LRRC8C: variants seen among roughly 807,000 people sequenced by gnomAD.
LRRC8C encodes the protein leucine rich repeat containing 8 VRAC subunit C, also known as volume-regulated anion channel subunit LRRC8C.
Under a neutral mutation model 55.3 loss-of-function variants are expected in LRRC8C, and 20 were observed. The observed-to-expected ratio is 0.36, with a 90% CI of 0.25 to 0.53. The LOEUF (loss-of-function observed/expected upper bound fraction) is 0.53, where lower values mean the gene tolerates loss of function less well. Among genes scored for constraint, LRRC8C ranks in the 20% least tolerant of loss-of-function variants. LRRC8C has a pLI of 0.92. For missense variants in LRRC8C, 659 were observed against 951.4 expected (o/e 0.69, Z 4.04); for synonymous variants, 376 against 360.7 (o/e 1.04, Z -0.48).
intron 1 of LRRC8C, among the ~76,000 whole-genome samples, chr1:89,639,253 G>A (rs1358117415): frequency 6.6e-6 from 1 of 152,070 alleles, no homozygotes; most frequent in Non-Finnish European, 1.5e-5. Context: ...CCCAAGTACT[G>A]GGATTACAGG....
chr1:89,685,910 AG>A lies in LRRC8C; in HGVS notation c.-4-559del, dbSNP rs1657866163. On this transcript the variant is annotated intron_variant, in intron 1 of 2. Transcript: ENST00000370454. ...CCTCCTCAATCCACCACCATCAATA[AG>A]ACCTTTCTTCTTAAAAGACAAGGAC... Among the ~76,000 whole-genome samples the A allele has an allele frequency of 2.6e-5, 4 of 152,300 alleles. No individual in the cohort carries two copies. In the South Asian group the frequency reaches 8.3e-4, roughly 32 times the overall value.
At position 89,690,126 on chromosome 1, in the gene LRRC8C, GT is replaced by G. The variant is rs558561954; in HGVS notation, c.138+3516del. ...GATGGTCATTTTCAGGAGGAACGAG[GT>G]GAAGATCCAGGATCTAGGTGGAAGG... is the stretch of plus-strand genomic sequence containing the variant. On this transcript the variant is annotated intron_variant, in intron 2 of 2. Coordinates refer to ENST00000370454, the MANE Select transcript of LRRC8C (RefSeq NM_032270.5). Among the ~76,000 whole-genome samples, 512 of 152,248 alleles carry G rather than the reference GT, an allele frequency of 3.4e-3. 1 individual carries two copies. The highest frequency in any genetic ancestry group is 5.8e-3 in the Non-Finnish European group (392 of 68,024).
chr1:89,712,474 T>C (rs1233791512), intron 2 of LRRC8C, among the ~76,000 whole-genome samples: 2 of 152,202 alleles, frequency 1.3e-5, no homozygotes, highest in Admixed American at 6.5e-5. Flanking sequence ...AGTTGTTCTA[T>C]GACCTGAAAA....
intron 1 of LRRC8C, among the ~76,000 whole-genome samples, chr1:89,660,056 A>G (rs1012224453): frequency 3.3e-5 from 5 of 152,066 alleles, no homozygotes; most frequent in Non-Finnish European, 5.9e-5. Flanking sequence ...CCCTTCAAAT[A>G]TTATCCAAGC....
chr1:89,647,556 A>T (rs1365110704), intron 1 of LRRC8C, among the ~76,000 whole-genome samples: 1 of 152,224 alleles, frequency 6.6e-6, no homozygotes, highest in Non-Finnish European at 1.5e-5. Context: ...CGCTTCTGAA[A>T]GAACACATTT....
chr1:89,663,342 G>A (rs749274437), intron 1 of LRRC8C, among the ~76,000 whole-genome samples: 3 of 152,038 alleles, frequency 2.0e-5, no homozygotes, highest in South Asian at 4.1e-4. Context: ...AGGCAGAGGC[G>A]GGCGGATCAT....
chr1:89,679,657 T>C (rs1023240567), intron 1 of LRRC8C, among the ~76,000 whole-genome samples: 1 of 152,218 alleles, frequency 6.6e-6, no homozygotes, highest in Non-Finnish European at 1.5e-5. Context: ...AATTCCTATT[T>C]CATGTGCTCA....
intron 1 of LRRC8C, among the ~76,000 whole-genome samples, chr1:89,634,553 G>C (rs1174204493): frequency 6.6e-6 from 1 of 152,158 alleles, no homozygotes; most frequent in African/African-American, 2.4e-5. Context: ...ATGCCATTTA[G>C]ACGAAAAAGG....
chr1:89,654,395 G>A (rs976858701), intron 1 of LRRC8C, among the ~76,000 whole-genome samples: 11 of 152,082 alleles, frequency 7.2e-5, no homozygotes, highest in Non-Finnish European at 1.5e-4. Flanking sequence ...AAAATTGCAC[G>A]TGTACCCTTT....
At chr1:89,659,057 TTTTTTGTGTGTGTGTGTGTGTG>T (rs768739498) in intron 1 of LRRC8C, among the ~76,000 whole-genome samples, 1 of 81,618 alleles carries the variant, frequency 1.2e-5, no homozygotes. Flanking sequence ...GGTTTTTTTT[TTTTTTGTGTGTGTGTGTGTGTG>T]TGTGTGTGTG....
intron 1 of LRRC8C, among the ~76,000 whole-genome samples, chr1:89,680,887 T>C (rs1390130226): frequency 1.3e-5 from 2 of 152,128 alleles, no homozygotes. Flanking sequence ...AATAAGGAAA[T>C]GAATCTGAAT....
chr1:89,631,651 A>T (rs1051435861), upstream of LRRC8C: 2 of 150,962 alleles, frequency 1.3e-5, no homozygotes, highest in South Asian at 4.2e-4. Flanking sequence ...TTTCCCAGAG[A>T]CTCTCTAGGA....
chr1:89,660,352 A>G (rs559532071), intron 1 of LRRC8C, among the ~76,000 whole-genome samples: 6 of 152,274 alleles, frequency 3.9e-5, no homozygotes, highest in African/African-American at 1.4e-4. Context: ...CCTCACCTAC[A>G]TGTTGGAATC....
At chr1:89,699,531 G>T (rs547808982) in intron 2 of LRRC8C, among the ~76,000 whole-genome samples, 5 of 152,282 alleles carry the variant, frequency 3.3e-5, no homozygotes, top group African/African-American at 9.6e-5. Context: ...TGAACCTAAA[G>T]CTGCTCTAAG....
the LRRC8C span, among the ~76,000 whole-genome samples, chr1:89,616,364 G>A: frequency 1.3e-5 from 2 of 152,120 alleles, no homozygotes; most frequent in Non-Finnish European, 2.9e-5. Flanking sequence ...TTAATTCAGG[G>A]GCGTGGGAAC....
At position 89,714,806 on chromosome 1, in the gene LRRC8C, C is replaced by A. The variant is rs961562952; in HGVS notation, c.2236C>A (p.Pro746Thr). Reference sequence around the variant, plus strand: ...AAAAAACAGCCTATCTGTACTTTCACCGAAAATTGGAAATTTGCTATTTCT... The same window carrying A: ...AAAAAACAGCCTATCTGTACTTTCAACGAAAATTGGAAATTTGCTATTTCT... The part of the protein sequence containing the change: ...IGKNSLSVLS[P>T]KIGNLLFLSY... Residue 746 changes from proline (P) to threonine (T), a missense_variant, in exon 3 of 3, where the codon CCG becomes ACG. By Grantham distance (38) the Pro-to-Thr change is conservative (BLOSUM62 -1). Coordinates refer to ENST00000370454, the MANE Select transcript of LRRC8C (RefSeq NM_032270.5). This position sits in a 1 kb window ranked among gnomAD's most constrained non-coding sequence, Gnocchi z 4.6. 1 of 1,613,932 alleles carries A rather than the reference C, an allele frequency of 6.2e-7. No individual in the cohort carries two copies. Among genetic ancestry groups the A allele is most frequent in the East Asian group, 2.2e-5 (1 of 44,894 alleles).
chr1:89,672,975 T>C (rs1176080417), intron 1 of LRRC8C, among the ~76,000 whole-genome samples: 1 of 152,116 alleles, frequency 6.6e-6, no homozygotes, highest in Admixed American at 6.6e-5. Context: ...AACCCTGTCC[T>C]TTCCCTTGGC....
intron 1 of LRRC8C, among the ~76,000 whole-genome samples, chr1:89,663,915 A>C (rs1197464072): frequency 2.0e-5 from 3 of 152,130 alleles, no homozygotes; most frequent in Non-Finnish European, 2.9e-5. Flanking sequence ...TGGCTGCATA[A>C]ATGTCTTCGT....
At chr1:89,645,486 G>A (rs1656585306) in intron 1 of LRRC8C, among the ~76,000 whole-genome samples, 1 of 152,142 alleles carries the variant, frequency 6.6e-6, no homozygotes, top group Non-Finnish European at 1.5e-5. Flanking sequence ...CGCAATTATG[G>A]TGAAAACACA....
Sources: allele counts gnomAD v4.1 joint callset (sites outside exome capture counted in the v4.1 genomes callset), GRCh38; gene constraint gnomAD v4.1.1; non-coding constraint Gnocchi (gnomAD v3.1); transcripts MANE v1.5; gene names NCBI Gene and HGNC (gene_info 2026-07-23, HGNC 2026-07-21).